The following PPFIA2 variants were observed in gnomAD, a reference collection of about 807,000 sequenced individuals.
The protein encoded by PPFIA2 is liprin-alpha-2.
Under a neutral mutation model 175.5 loss-of-function variants are expected in PPFIA2, and 46 were observed. The observed-to-expected ratio is 0.26, with a 90% CI of 0.21 to 0.34. PPFIA2 has a LOEUF of 0.34. Among genes scored for constraint, PPFIA2 ranks in the 10% least tolerant of loss-of-function variants. PPFIA2 has a pLI of 1.00. For synonymous variants in PPFIA2, 568 were observed against 511.4 expected (o/e 1.11, Z -1.49); for missense variants, 1,179 against 1,506.1 (o/e 0.78, Z 3.60).
At chr12:81,614,887 A>C (rs904817584) in intron 4 of PPFIA2, among the ~76,000 whole-genome samples, 2 of 152,164 alleles carry the variant, frequency 1.3e-5, no homozygotes, top group African/African-American at 4.8e-5. Flanking sequence ...TCTTAGATAA[A>C]TTACGCAACT....
At chr12:81,425,702 T>TTAATTATTTAATTG (rs2047023917) in intron 7 of PPFIA2, among the ~76,000 whole-genome samples, 1 of 152,146 alleles carries the variant, frequency 6.6e-6, no homozygotes. Context: ...TGTTTTGTAA[T>TTAATTATTTAATTG]TTTCTTTTAA....
intron 4 of PPFIA2, among the ~76,000 whole-genome samples, chr12:81,504,477 T>C (rs2060932805): frequency 6.6e-6 from 1 of 152,092 alleles, no homozygotes; most frequent in South Asian, 2.1e-4. Context: ...TGGCGATCAT[T>C]AAAAAGTCAG....
In PPFIA2 at chr12:81,378,433, C is replaced by A. The variant is rs561343491; in HGVS notation, c.985-2491G>T. Among the ~76,000 whole-genome samples the A allele has an allele frequency of 3.9e-3, 595 of 151,774 alleles. 4 individuals carry two copies. The highest frequency in any genetic ancestry group is 0.01 in the Middle Eastern group (3 of 294). ...AATTAAATTTAATCTATGAATTCAGCAAAAAATAGCCAGACTAATTTTTAA... is the reference window on the plus strand; with the variant it reads ...AATTAAATTTAATCTATGAATTCAGAAAAAAATAGCCAGACTAATTTTTAA... On this transcript the variant is annotated intron_variant, in intron 9 of 32. Coordinates refer to ENST00000549396, the MANE Select transcript of PPFIA2 (RefSeq NM_003625.5).
rs185787339 is a variant in PPFIA2, at chr12:81,316,363, T to G, written c.2642+9414A>C. On this transcript the variant is annotated intron_variant, in intron 22 of 32. Transcript: ENST00000549396. ...GGAACAGATGTGGAAAATTCTAGAT[T>G]AAGATGTCAGCATTATATTTAAATA... Among the ~76,000 whole-genome samples the G allele has an allele frequency of 7.3e-5, 11 of 151,690 alleles. No homozygotes were observed. The East Asian group carries it at 9.6e-4, about 13-fold the overall frequency.
At chr12:81,308,587 AAATAAAAT>A (rs1275422614) in intron 22 of PPFIA2, among the ~76,000 whole-genome samples, 1 of 152,190 alleles carries the variant, frequency 6.6e-6, no homozygotes, top group Non-Finnish European at 1.5e-5. Flanking sequence ...TGTAAGTGTA[AAATAAAAT>A]AATGGTCCCC....
chr12:81,663,429 C>T (rs1210396144), intron 4 of PPFIA2, among the ~76,000 whole-genome samples: 6 of 152,080 alleles, frequency 3.9e-5, no homozygotes, highest in Admixed American at 3.9e-4. Flanking sequence ...TGAGTGAACT[C>T]CCATTCACAA....
chr12:81,331,580 G>T (rs2056133452), intron 21 of PPFIA2, among the ~76,000 whole-genome samples: 1 of 152,068 alleles, frequency 6.6e-6, no homozygotes, highest in Non-Finnish European at 1.5e-5. Flanking sequence ...TAAAAGAATT[G>T]CCATTTAGAG....
chr12:81,442,831 G>A (rs1383462639), intron 6 of PPFIA2, among the ~76,000 whole-genome samples: 1 of 92,482 alleles, frequency 1.1e-5, no homozygotes, highest in African/African-American at 4.1e-5. Flanking sequence ...ATGGTTAATT[G>A]CATCTTTTTC....
At chr12:81,335,994 C>G (rs1384082006) in intron 21 of PPFIA2, among the ~76,000 whole-genome samples, 1 of 152,124 alleles carries the variant, frequency 6.6e-6, no homozygotes, top group African/African-American at 2.4e-5. Context: ...CTCACTGATT[C>G]ATTTGAGTCT....
intron 17 of PPFIA2, among the ~76,000 whole-genome samples, chr12:81,351,555 C>CA (rs1259496006): frequency 6.6e-6 from 1 of 151,772 alleles, no homozygotes; most frequent in East Asian, 1.9e-4. Context: ...ACTTCAAACG[C>CA]AAGTTTTAGG....
chr12:81,696,509 T>C (rs17008900), intron 3 of PPFIA2, among the ~76,000 whole-genome samples: 20,893 of 152,152 alleles, frequency 0.14, 1,739 homozygotes, highest in Middle Eastern at 0.23. Context: ...GCATATTTAA[T>C]TTACACACTT....
At chr12:81,629,399 C>T (rs550581816) in intron 4 of PPFIA2, among the ~76,000 whole-genome samples, 30 of 152,188 alleles carry the variant, frequency 2.0e-4, no homozygotes, top group Non-Finnish European at 3.2e-4. Context: ...CAGTTAGAAA[C>T]TCTCTTTTAA....
chr12:81,273,175 T>G (rs1338776308), intron 28 of PPFIA2, among the ~76,000 whole-genome samples: 1 of 152,158 alleles, frequency 6.6e-6, no homozygotes, highest in African/African-American at 2.4e-5. Flanking sequence ...TAGATTATAA[T>G]TCCATCCTTC....
chr12:81,707,283 G>A (rs2077287431), intron 3 of PPFIA2, among the ~76,000 whole-genome samples: 1 of 151,432 alleles, frequency 6.6e-6, no homozygotes, highest in African/African-American at 2.4e-5. Context: ...CTGACAAAGG[G>A]CTAATATCCA....
chr12:81,435,279 C>T (rs1592935895), intron 7 of PPFIA2, among the ~76,000 whole-genome samples: 1 of 152,160 alleles, frequency 6.6e-6, no homozygotes, highest in East Asian at 1.9e-4. Flanking sequence ...TTTCAGCTCC[C>T]ACTGACCTCC....
chr12:81,560,433 T>A (rs1052756233), intron 4 of PPFIA2, among the ~76,000 whole-genome samples: 2 of 152,150 alleles, frequency 1.3e-5, no homozygotes, highest in African/African-American at 4.8e-5. Flanking sequence ...ATCTGATTGT[T>A]TTTATAGAAA....
At chr12:81,430,293 C>A (rs2047867663) in intron 7 of PPFIA2, 1 of 152,148 alleles carries the variant, frequency 6.6e-6, no homozygotes, top group African/African-American at 2.4e-5. Flanking sequence ...TCAGCATATA[C>A]CCTCTCCTTC....
chr12:81,666,717 T>A (rs566119348), intron 4 of PPFIA2, among the ~76,000 whole-genome samples: 2 of 152,066 alleles, frequency 1.3e-5, no homozygotes, highest in South Asian at 4.2e-4. Flanking sequence ...CATATGTAAC[T>A]AACCTGCACG....
chr12:81,445,215 GGGA>G (rs1244903162), intron 6 of PPFIA2, among the ~76,000 whole-genome samples: 3 of 119,860 alleles, frequency 2.5e-5, no homozygotes, highest in African/African-American at 1.1e-4. Flanking sequence ...GTGGGGGGGG[GGGA>G]GGGGGGAGAG....
Sources: allele counts gnomAD v4.1 joint callset (sites outside exome capture counted in the v4.1 genomes callset), GRCh38; gene constraint gnomAD v4.1.1; transcripts MANE v1.5; gene names NCBI Gene and HGNC (gene_info 2026-07-23, HGNC 2026-07-21).